Variants in ROBO2 observed in about 807,000 individuals in gnomAD.
The protein encoded by ROBO2 is roundabout homolog 2.
A neutral mutation model predicts 160.8 loss-of-function variants in ROBO2; 53 were observed. The ratio of observed to expected loss-of-function variants is 0.33; its 90% confidence interval spans 0.26 to 0.41. The LOEUF (loss-of-function observed/expected upper bound fraction) is 0.41, where lower values mean the gene tolerates loss of function less well. Ranked by LOEUF, ROBO2 falls within the 10% of genes least tolerant of loss-of-function variation. The pLI, the probability that ROBO2 is intolerant of heterozygous loss-of-function variation, is 1.00. For missense variants in ROBO2, 1,577 were observed against 1,722.4 expected (o/e 0.92, Z 1.49); for synonymous variants, 664 against 611.7 (o/e 1.09, Z -1.26).
intron 2 of ROBO2, among the ~76,000 whole-genome samples, chr3:76,794,269 C>A (rs1384585323): frequency 6.6e-6 from 1 of 151,936 alleles, no homozygotes; most frequent in Non-Finnish European, 1.5e-5. Flanking sequence ...TTCAATGTCA[C>A]ATTTAACATT....
intron 2 of ROBO2, among the ~76,000 whole-genome samples, chr3:76,695,419 T>A (rs915651118): frequency 1.3e-5 from 2 of 152,078 alleles, no homozygotes; most frequent in Admixed American, 1.3e-4. Flanking sequence ...TCAGGCTTGT[T>A]TTTTTTTAAG....
intron 5 of ROBO2, among the ~76,000 whole-genome samples, chr3:77,500,377 A>T (rs1259440104): frequency 1.3e-5 from 2 of 152,198 alleles, no homozygotes; most frequent in Non-Finnish European, 2.9e-5. Context: ...TGAACTTAGA[A>T]TCTGTCTAGC....
At chr3:76,854,562 T>C (rs1169704949) in intron 2 of ROBO2, among the ~76,000 whole-genome samples, 2 of 152,186 alleles carry the variant, frequency 1.3e-5, no homozygotes, top group Non-Finnish European at 2.9e-5. Context: ...ATTCAATGAA[T>C]CTTTTAGTTC....
At chr3:76,179,003 C>G (rs184278725) in intron 2 of ROBO2, among the ~76,000 whole-genome samples, 1 of 152,034 alleles carries the variant, frequency 6.6e-6, no homozygotes, top group Non-Finnish European at 1.5e-5. Flanking sequence ...GTTCACACTG[C>G]AAACTTTCCC....
At chr3:76,926,230 C>T (rs528394869) in intron 2 of ROBO2, among the ~76,000 whole-genome samples, 3 of 152,164 alleles carry the variant, frequency 2.0e-5, no homozygotes, top group South Asian at 2.1e-4. Flanking sequence ...TTCCTTTGGT[C>T]GTACTAAAAT....
chr3:76,363,807 T>TA (rs1034249081), intron 2 of ROBO2, among the ~76,000 whole-genome samples: 2 of 151,960 alleles, frequency 1.3e-5, no homozygotes, highest in African/African-American at 4.8e-5. Flanking sequence ...GTTTTTTTTT[T>TA]AAATGTTTTA....
chr3:76,446,431 G>C lies in ROBO2; in HGVS notation c.109+508829G>C, dbSNP rs575894210. ...GAAGAACATTCTGTGCTCATGGATAGGAAGAATCAATATTGTGGAAATGGC... is the reference window on the plus strand; with the variant it reads ...GAAGAACATTCTGTGCTCATGGATACGAAGAATCAATATTGTGGAAATGGC... On this transcript the variant is annotated intron_variant, in intron 2 of 26. Transcript: ENST00000487694. Among the ~76,000 whole-genome samples, 7 of 152,262 alleles carry C rather than the reference G, an allele frequency of 4.6e-5. No homozygotes were observed. In the South Asian group the frequency reaches 1.0e-3, roughly 23 times the overall value.
chr3:76,971,023 C>G (rs1198389419), intron 2 of ROBO2, among the ~76,000 whole-genome samples: 1 of 152,158 alleles, frequency 6.6e-6, no homozygotes, highest in Non-Finnish European at 1.5e-5. Flanking sequence ...AAGTTCATAT[C>G]TGTCTGATTC....
intron 2 of ROBO2, among the ~76,000 whole-genome samples, chr3:76,220,317 T>TA (rs1431657273): frequency 6.6e-6 from 1 of 151,398 alleles, no homozygotes; most frequent in Non-Finnish European, 1.5e-5. Flanking sequence ...CCCTAAAACT[T>TA]AAAGTATAAT....
At chr3:76,724,008 A>G (rs2093507665) in intron 2 of ROBO2, among the ~76,000 whole-genome samples, 1 of 152,052 alleles carries the variant, frequency 6.6e-6, no homozygotes, top group Non-Finnish European at 1.5e-5. Context: ...GTACTCAGCA[A>G]TCACATTCAG....
chr3:76,795,653 T>C (rs1012207750), intron 2 of ROBO2, among the ~76,000 whole-genome samples: 5 of 152,120 alleles, frequency 3.3e-5, no homozygotes, highest in African/African-American at 1.2e-4. Flanking sequence ...CTTCCTCCAC[T>C]TCAGTCTTAA....
chr3:76,445,537 T>C (rs368373180), intron 2 of ROBO2, among the ~76,000 whole-genome samples: 2 of 152,308 alleles, frequency 1.3e-5, no homozygotes, highest in Non-Finnish European at 2.9e-5. Context: ...TAACTCATTT[T>C]ATGAGGCCAG....
At chr3:76,648,004 G>T (rs1473924593) in intron 2 of ROBO2, among the ~76,000 whole-genome samples, 1 of 151,994 alleles carries the variant, frequency 6.6e-6, no homozygotes, top group Non-Finnish European at 1.5e-5. Context: ...AATTGGGATA[G>T]AAATATTAAA....
intron 2 of ROBO2, among the ~76,000 whole-genome samples, chr3:76,151,980 TA>T (rs2072226717): frequency 1.3e-5 from 2 of 152,184 alleles, no homozygotes; most frequent in Admixed American, 6.6e-5. Context: ...ACTATGCCAA[TA>T]TTAAAATAAG....
chr3:76,559,812 T>C (rs2084048750), intron 2 of ROBO2, among the ~76,000 whole-genome samples: 1 of 152,116 alleles, frequency 6.6e-6, no homozygotes, highest in South Asian at 2.1e-4. Context: ...TTTAATGCAG[T>C]ACTTTTTATA....
intron 2 of ROBO2, among the ~76,000 whole-genome samples, chr3:76,211,635 C>T (rs1308441035): frequency 1.3e-5 from 2 of 152,038 alleles, no homozygotes; most frequent in South Asian, 4.1e-4. Context: ...AAATGCTTAT[C>T]TACAGAAGCT....
chr3:76,204,494 T>A (rs544047543), intron 2 of ROBO2, among the ~76,000 whole-genome samples: 1 of 152,322 alleles, frequency 6.6e-6, no homozygotes, highest in South Asian at 2.1e-4. Flanking sequence ...CTCTTCTTTG[T>A]TCTGGAGAGA....
intron 6 of ROBO2, among the ~76,000 whole-genome samples, chr3:77,530,814 A>G (rs1393868178): frequency 6.6e-6 from 1 of 152,050 alleles, no homozygotes; most frequent in Non-Finnish European, 1.5e-5. Context: ...GTAGTTAACT[A>G]TGAATGCTGA....
chr3:76,368,806 T>C (rs1472948781), intron 2 of ROBO2, among the ~76,000 whole-genome samples: 1 of 151,980 alleles, frequency 6.6e-6, no homozygotes, highest in Non-Finnish European at 1.5e-5. Context: ...TCTGAATGTA[T>C]AGCAGGAATT....
Sources: allele counts gnomAD v4.1 joint callset (sites outside exome capture counted in the v4.1 genomes callset), GRCh38; gene constraint gnomAD v4.1.1; transcripts MANE v1.5; gene names NCBI Gene and HGNC (gene_info 2026-07-23, HGNC 2026-07-21).